SFXN5: variants seen among roughly 807,000 people sequenced by gnomAD.
SFXN5 encodes sideroflexin-5.
In SFXN5, 43 loss-of-function variants were observed where a neutral mutation model predicts 50.2. The ratio of observed to expected loss-of-function variants is 0.86; its 90% confidence interval spans 0.67 to 1.11. SFXN5 has a LOEUF of 1.11. SFXN5 is among the 50% of genes least tolerant of loss of function. The pLI is 0.00. For missense variants in SFXN5, 463 were observed against 454.1 expected, an observed-to-expected ratio of 1.02 and a Z score of -0.18; for synonymous variants, 203 against 185.8, an observed-to-expected ratio of 1.09 and a Z score of -0.75.
intron 2 of SFXN5, among the ~76,000 whole-genome samples, chr2:73,051,037 T>G (rs962728277): frequency 1.3e-5 from 2 of 152,192 alleles, no homozygotes; most frequent in African/African-American, 4.8e-5. Context: ...CAGGCATAAT[T>G]TGGCCAAGTT....
chr2:73,069,353 G>T (rs1683406686), intron 1 of SFXN5, among the ~76,000 whole-genome samples: 1 of 152,124 alleles, frequency 6.6e-6, no homozygotes, highest in Non-Finnish European at 1.5e-5. Context: ...TGAGAGCTGT[G>T]TAAGAGGTAA....
chr2:73,017,873 G>A (rs956138471), intron 6 of SFXN5, among the ~76,000 whole-genome samples: 1 of 152,150 alleles, frequency 6.6e-6, no homozygotes, highest in Admixed American at 6.5e-5. Flanking sequence ...CCTCTAAAAG[G>A]AAATAGGGCT....
At chr2:73,036,327 G>T (rs1678973206) in intron 3 of SFXN5, among the ~76,000 whole-genome samples, 1 of 152,200 alleles carries the variant, frequency 6.6e-6, no homozygotes, top group African/African-American at 2.4e-5. Flanking sequence ...GTGAGAGCTG[G>T]TGCTGGGGGA....
chr2:73,049,598 A>T (rs764092976), intron 2 of SFXN5: 4 of 151,868 alleles, frequency 2.6e-5, no homozygotes, highest in Non-Finnish European at 5.9e-5. Context: ...TGAGGGAGGG[A>T]CCCTCATGGC....
intron 2 of SFXN5, among the ~76,000 whole-genome samples, chr2:73,045,542 G>A (rs1445723066): frequency 6.6e-6 from 1 of 151,968 alleles, no homozygotes; most frequent in Non-Finnish European, 1.5e-5. Flanking sequence ...GTGGCGGGGG[G>A]TGGGGGTGAG....
intron 6 of SFXN5, among the ~76,000 whole-genome samples, chr2:73,017,090 G>A (rs1676257326): frequency 6.6e-6 from 1 of 152,126 alleles, no homozygotes; most frequent in African/African-American, 2.4e-5. Flanking sequence ...TGTCACATAT[G>A]ATAAAGTCAA....
rs920506962 is a variant in SFXN5 at position 72,943,200 on chromosome 2, G to A, written c.*1822C>T. ...GCCCCTCAGGGCAATGTGCTGCAGA[G>A]CCAGCTGGTGGGCACCAGCGGCTGG... is the stretch of plus-strand genomic sequence containing the variant. On this transcript the variant is annotated 3_prime_UTR_variant, in exon 14 of 14. Transcript: ENST00000272433. The A allele has an allele frequency of 1.4e-4, 21 of 152,250 alleles. No homozygotes were observed. The highest frequency in any genetic ancestry group is 2.8e-4 in the Non-Finnish European group (19 of 68,070). The allele number at this position is 152,250 out of a possible 1,614,324, so 9.4% of individuals were successfully genotyped here.
chr2:73,054,686 A>G (rs1316581750), intron 2 of SFXN5, among the ~76,000 whole-genome samples: 1 of 152,156 alleles, frequency 6.6e-6, no homozygotes, highest in Non-Finnish European at 1.5e-5. Context: ...CCATGTCTCA[A>G]TATGTCTTGA....
At chr2:73,012,522 A>G (rs1384163137) in intron 6 of SFXN5, among the ~76,000 whole-genome samples, 1 of 152,030 alleles carries the variant, frequency 6.6e-6, no homozygotes, top group Non-Finnish European at 1.5e-5. Flanking sequence ...CTAGAAAGGA[A>G]AAGAAAATCA....
chr2:72,969,348 G>A (rs778990529), intron 11 of SFXN5, among the ~76,000 whole-genome samples: 1 of 152,194 alleles, frequency 6.6e-6, no homozygotes, highest in African/African-American at 2.4e-5. Context: ...GGAGCCAAAG[G>A]AGGACCGAGC....
At chr2:72,967,449 T>C (rs191263766) in intron 12 of SFXN5, 42 of 152,220 alleles carry the variant, frequency 2.8e-4, no homozygotes, top group African/African-American at 9.6e-4. Flanking sequence ...GATGGGGTGG[T>C]CAGGGAGGGC....
At chr2:73,014,278 A>G (rs1028454367) in intron 6 of SFXN5, among the ~76,000 whole-genome samples, 1 of 152,160 alleles carries the variant, frequency 6.6e-6, no homozygotes, top group East Asian at 1.9e-4. Flanking sequence ...TCTTTTCCAC[A>G]TAGGTAGCCA....
intron 3 of SFXN5, among the ~76,000 whole-genome samples, chr2:73,034,051 C>T (rs73945733): frequency 0.06 from 9,177 of 152,274 alleles, 331 homozygotes; most frequent in East Asian, 0.14. Context: ...ACAGGTCACT[C>T]TGTGTGCTGT....
Position 72,942,104 on chromosome 2 carries a change from T to G in SFXN5, c.*2918A>C, listed in dbSNP as rs558865612. The G allele has an allele frequency of 1.2e-4, 18 of 152,194 alleles. No individual in the cohort carries two copies. Among genetic ancestry groups the G allele is most frequent in the Non-Finnish European group, 2.2e-4 (15 of 68,034 alleles). 9.4% of individuals were successfully genotyped at this position (152,194 alleles called of 1,614,324 possible). On this transcript the variant is annotated 3_prime_UTR_variant, in exon 14 of 14. Coordinates refer to ENST00000272433, the MANE Select transcript of SFXN5 (RefSeq NM_144579.3). ...CACAAATCACATAGATTGAGAAATT[T>G]TCTGAGGTTAAAAAGACGCTGCAAA...
chr2:73,040,002 G>T lies in SFXN5; in HGVS notation c.249+852C>A, dbSNP rs953666648. 2.0e-5 allele frequency among the ~76,000 whole-genome samples: 3 copies of T among 151,762 alleles called. No homozygotes were observed. In the South Asian group the frequency reaches 6.3e-4, roughly 32 times the overall value. On this transcript the variant is annotated intron_variant, in intron 3 of 13. Coordinates refer to ENST00000272433, the MANE Select transcript of SFXN5 (RefSeq NM_144579.3). ...ATTTTTTGTCTTTCAGTAAAGACAC[G>T]GTTTCACCACGTTGCCCAGGCTGGT... is the stretch of plus-strand genomic sequence containing the variant.
At chr2:72,974,304 G>A (rs1483589294) in intron 10 of SFXN5, among the ~76,000 whole-genome samples, 1 of 152,082 alleles carries the variant, frequency 6.6e-6, no homozygotes, top group Non-Finnish European at 1.5e-5. Context: ...CTGACTCACG[G>A]TGGCATCTCA....
At chr2:73,035,954 G>A (rs561753385) in intron 3 of SFXN5, among the ~76,000 whole-genome samples, 4 of 152,310 alleles carry the variant, frequency 2.6e-5, no homozygotes, top group African/African-American at 9.6e-5. Flanking sequence ...CAGGTTAGAT[G>A]ACAAACTGGG....
intron 9 of SFXN5, among the ~76,000 whole-genome samples, chr2:72,994,014 C>G (rs998221473): frequency 6.6e-6 from 1 of 152,204 alleles, no homozygotes; most frequent in Non-Finnish European, 1.5e-5. Flanking sequence ...TGGGGAAGGA[C>G]TTGTCTGCCA....
chr2:73,071,263 C>T, intron 1 of SFXN5: 1 of 294,444 alleles, frequency 3.4e-6, no homozygotes, highest in Non-Finnish European at 6.4e-6. Flanking sequence ...CTGCACAACC[C>T]GGAGCGACCC....
Sources: gnomAD v4.1 joint callset for allele counts (sites outside exome capture counted in the v4.1 genomes callset) on GRCh38, gnomAD v4.1.1 for gene constraint, MANE v1.5 for transcripts, NCBI Gene and HGNC (gene_info 2026-07-23, HGNC 2026-07-21) for gene names.